CRYBG1: variants seen among roughly 807,000 people sequenced by gnomAD.
CRYBG1 encodes crystallin beta-gamma domain containing 1.
Under a neutral mutation model 189.2 loss-of-function variants are expected in CRYBG1, and 139 were observed. The ratio of observed to expected loss-of-function variants is 0.73; its 90% CI spans 0.64 to 0.85. The LOEUF is 0.85. CRYBG1 is among the 40% of genes least tolerant of loss of function. The pLI, the probability that CRYBG1 is intolerant of heterozygous loss-of-function variation, is 0.00. For missense variants in CRYBG1, 2,611 were observed against 2,675.8 expected (o/e 0.98, Z 0.53); for synonymous variants, 1,023 against 1,017.1 (o/e 1.01, Z -0.11).
intron 1 of CRYBG1, among the ~76,000 whole-genome samples, chr6:106,394,588 T>C (rs1770569892): frequency 6.6e-6 from 1 of 152,212 alleles, no homozygotes; most frequent in South Asian, 2.1e-4. Context: ...AAGAAAGGAA[T>C]AAAGTGATTC....
intron 2 of CRYBG1, among the ~76,000 whole-genome samples, chr6:106,466,470 G>T (rs887592472): frequency 6.6e-6 from 1 of 152,156 alleles, no homozygotes; most frequent in Non-Finnish European, 1.5e-5. Flanking sequence ...TTCACTTCGT[G>T]CCTGTTAATG....
At chr6:106,403,104 G>A (rs1770753276) in intron 1 of CRYBG1, among the ~76,000 whole-genome samples, 3 of 152,136 alleles carry the variant, frequency 2.0e-5, no homozygotes, top group East Asian at 1.9e-4. Context: ...AGGCTAAGAC[G>A]GGGGAGGATT....
Position 106,511,073 on chromosome 6 carries a change from G to C in CRYBG1, c.313-357G>C, listed in dbSNP as rs554184405. ...CTGCCCCATGGTCACATGCACGGCTGTTTATAAATTGCATCTTTATTGAGG... is the reference window on the plus strand; with the variant it reads ...CTGCCCCATGGTCACATGCACGGCTCTTTATAAATTGCATCTTTATTGAGG... On this transcript the variant is annotated intron_variant, in intron 2 of 21. Transcript: ENST00000633556. 4.9e-4 allele frequency among the ~76,000 whole-genome samples: 74 copies of C among 152,302 alleles called. 1 individual carries two copies. Among genetic ancestry groups the C allele is most frequent in the African/African-American group, 1.7e-3 (69 of 41,556 alleles).
At chr6:106,462,860 A>G (rs1772040840) in intron 2 of CRYBG1, among the ~76,000 whole-genome samples, 1 of 152,242 alleles carries the variant, frequency 6.6e-6, no homozygotes, top group African/African-American at 2.4e-5. Context: ...TCCTGTTTGT[A>G]AAAGCTAATG....
chr6:106,465,836 A>G (rs1434657497), intron 2 of CRYBG1, among the ~76,000 whole-genome samples: 2 of 152,108 alleles, frequency 1.3e-5, no homozygotes, highest in African/African-American at 4.8e-5. Flanking sequence ...TGTCTTTTAT[A>G]TCTTGTAATT....
intron 3 of CRYBG1, among the ~76,000 whole-genome samples, chr6:106,517,892 T>C (rs1296173848): frequency 6.6e-6 from 1 of 152,180 alleles, no homozygotes; most frequent in Non-Finnish European, 1.5e-5. Flanking sequence ...CAAAGACTTA[T>C]TATTTCCACT....
At chr6:106,470,751 C>G (rs1003004945) in intron 2 of CRYBG1, among the ~76,000 whole-genome samples, 1 of 152,152 alleles carries the variant, frequency 6.6e-6, no homozygotes. Context: ...ATGTGTATCA[C>G]TCTTAAAGGG....
At chr6:106,376,496 G>A (rs1287536707) in intron 1 of CRYBG1, among the ~76,000 whole-genome samples, 3 of 152,218 alleles carry the variant, frequency 2.0e-5, no homozygotes, top group African/African-American at 7.2e-5. Flanking sequence ...CTTTGGAGGA[G>A]AGGGCAGGAG....
At chr6:106,554,964 A>T (rs1364185604) in intron 16 of CRYBG1, among the ~76,000 whole-genome samples, 6 of 152,242 alleles carry the variant, frequency 3.9e-5, no homozygotes, top group Non-Finnish European at 4.4e-5. Flanking sequence ...CAGGATTTCG[A>T]GACCAGTCTG....
intron 2 of CRYBG1, among the ~76,000 whole-genome samples, chr6:106,507,966 G>A (rs769889316): frequency 6.6e-6 from 1 of 152,212 alleles, no homozygotes; most frequent in Non-Finnish European, 1.5e-5. Flanking sequence ...GCATAACGTG[G>A]CTGGGTACGG....
chr6:106,468,348 C>T (rs1772155272), intron 2 of CRYBG1, among the ~76,000 whole-genome samples: 1 of 152,070 alleles, frequency 6.6e-6, no homozygotes. Context: ...GGAAGGGCTG[C>T]ATACTAAGAT....
intron 11 of CRYBG1, 111 bp from the exon 12 acceptor site, chr6:106,544,460 G>T: frequency 8.0e-7 from 1 of 1,243,214 alleles, no homozygotes; most frequent in Non-Finnish European, 1.1e-6. Context: ...TAAAGCAGAA[G>T]GTCATGTCTA....
chr6:106,548,864 G>C (rs1416108842), intron 13 of CRYBG1, among the ~76,000 whole-genome samples: 4 of 150,554 alleles, frequency 2.7e-5, no homozygotes, highest in Non-Finnish European at 5.9e-5. Flanking sequence ...TCTAGCATTA[G>C]GTATATCTCC....
At chr6:106,394,307 T>C (rs1338890164) in intron 1 of CRYBG1, among the ~76,000 whole-genome samples, 1 of 152,246 alleles carries the variant, frequency 6.6e-6, no homozygotes. Flanking sequence ...TTTCTTATGA[T>C]ACATATACAA....
chr6:106,461,079 C>G (rs1772001015), intron 2 of CRYBG1, among the ~76,000 whole-genome samples: 2 of 86,956 alleles, frequency 2.3e-5, no homozygotes, highest in African/African-American at 9.5e-5. Context: ...GCCACCGTGC[C>G]CGACCTTTGA....
At chr6:106,530,404 A>G in intron 8 of CRYBG1, 89 bp downstream of exon 8, 2 of 1,267,412 alleles carry the variant, frequency 1.6e-6, no homozygotes, top group Non-Finnish European at 2.2e-6. Flanking sequence ...TCTGACTCTA[A>G]TTTGTCATCC....
intron 2 of CRYBG1, among the ~76,000 whole-genome samples, chr6:106,497,602 C>T (rs542500593): frequency 1.3e-5 from 2 of 152,274 alleles, no homozygotes; most frequent in South Asian, 4.1e-4. Context: ...TCAAATACAG[C>T]CCAAAGGAAC....
chr6:106,529,938 T>C (rs1487307997), intron 7 of CRYBG1, among the ~76,000 whole-genome samples: 1 of 152,228 alleles, frequency 6.6e-6, no homozygotes, highest in Non-Finnish European at 1.5e-5. Flanking sequence ...TTTCTGATGA[T>C]CTTTGCTTGA....
intron 1 of CRYBG1, among the ~76,000 whole-genome samples, chr6:106,406,794 A>G (rs1770835909): frequency 1.3e-5 from 2 of 152,254 alleles, no homozygotes; most frequent in South Asian, 4.1e-4. Flanking sequence ...ACTAAGCTTC[A>G]TAAGTGAATG....
Sources: allele counts gnomAD v4.1 joint callset (sites outside exome capture counted in the v4.1 genomes callset), GRCh38; gene constraint gnomAD v4.1.1; transcripts MANE v1.5; gene names NCBI Gene and HGNC (gene_info 2026-07-23, HGNC 2026-07-21).